Variants in DCLK1 observed in about 807,000 individuals in gnomAD.
DCLK1 encodes serine/threonine-protein kinase DCLK1.
Under a neutral mutation model 86.2 loss-of-function variants are expected in DCLK1, and 16 were observed. The ratio of observed to expected loss-of-function variants is 0.19; its 90% CI spans 0.13 to 0.28. The LOEUF is 0.28. Among genes scored for constraint, DCLK1 ranks in the 10% least tolerant of loss-of-function variants. The pLI is 1.00. For synonymous variants in DCLK1, 369 were observed against 370.5 expected, an observed-to-expected ratio of 1.00 and a Z score of 0.05; for missense variants, 590 against 940.2, an observed-to-expected ratio of 0.63 and a Z score of 4.87.
At chr13:35,809,758 C>T (rs908146051) in intron 12 of DCLK1, among the ~76,000 whole-genome samples, 1 of 152,166 alleles carries the variant, frequency 6.6e-6, no homozygotes, top group Non-Finnish European at 1.5e-5. Flanking sequence ...GATGTGGGCT[C>T]CCACCTCATT....
chr13:35,992,179 T>C (rs1034077057), intron 3 of DCLK1, among the ~76,000 whole-genome samples: 1 of 152,172 alleles, frequency 6.6e-6, no homozygotes, highest in Admixed American at 6.6e-5. Context: ...TCTGAAAATC[T>C]CAATTTTTAA....
At chr13:36,116,469 C>T (rs778058943) in intron 2 of DCLK1, among the ~76,000 whole-genome samples, 1 of 152,106 alleles carries the variant, frequency 6.6e-6, no homozygotes, top group Admixed American at 6.5e-5. Flanking sequence ...TGCAGTGTGT[C>T]AGCTATAAAA....
intron 3 of DCLK1, among the ~76,000 whole-genome samples, chr13:35,980,599 C>T (rs1191858878): frequency 6.6e-6 from 1 of 152,154 alleles, no homozygotes; most frequent in Admixed American, 6.5e-5. Context: ...TCATGGTCCC[C>T]AGCCTTTTTG....
chr13:35,802,574 T>G (rs953722978), intron 15 of DCLK1, among the ~76,000 whole-genome samples: 3 of 152,104 alleles, frequency 2.0e-5, no homozygotes, highest in African/African-American at 7.2e-5. Flanking sequence ...AAACAATTCC[T>G]AAAAGATCAA....
chr13:35,882,484 A>G (rs939274033), intron 4 of DCLK1, among the ~76,000 whole-genome samples: 32 of 152,166 alleles, frequency 2.1e-4, no homozygotes, highest in Non-Finnish European at 3.2e-4. Context: ...GAGCATTTTT[A>G]TCAGGAAATC....
chr13:35,828,182 G>A, intron 9 of DCLK1, 68 bp downstream of exon 9: 1 of 1,294,890 alleles, frequency 7.7e-7, no homozygotes, highest in Non-Finnish European at 1.1e-6. Context: ...ATTTGTTTGG[G>A]AGTGATCTTT....
intron 6 of DCLK1, among the ~76,000 whole-genome samples, chr13:35,839,780 T>A (rs1443793323): frequency 1.1e-5 from 1 of 88,022 alleles, no homozygotes; most frequent in Non-Finnish European, 2.2e-5. Context: ...AATAAAAGCC[T>A]AGGCCTTGTA....
At chr13:36,041,925 G>C (rs765004870) in intron 3 of DCLK1, among the ~76,000 whole-genome samples, 3 of 152,086 alleles carry the variant, frequency 2.0e-5, no homozygotes, top group Non-Finnish European at 4.4e-5. Flanking sequence ...TCTCAAAAAT[G>C]ACTCTATCTA....
At chr13:35,866,864 G>A (rs1871831001) in intron 5 of DCLK1, among the ~76,000 whole-genome samples, 1 of 152,198 alleles carries the variant, frequency 6.6e-6, no homozygotes, top group African/African-American at 2.4e-5. Context: ...AATCCATATA[G>A]AGACAATTCA....
At chr13:35,978,808 G>C (rs549670872) in intron 3 of DCLK1, among the ~76,000 whole-genome samples, 1 of 152,126 alleles carries the variant, frequency 6.6e-6, no homozygotes, top group East Asian at 1.9e-4. Flanking sequence ...TTCACACAAA[G>C]ATATTACAAA....
intron 2 of DCLK1, among the ~76,000 whole-genome samples, chr13:36,115,119 T>C (rs1465120965): frequency 6.6e-6 from 1 of 152,144 alleles, no homozygotes; most frequent in African/African-American, 2.4e-5. Flanking sequence ...TGAGCCATGA[T>C]TGTGCTACTG....
chr13:36,074,827 T>A (rs1406632479), intron 3 of DCLK1, among the ~76,000 whole-genome samples: 1 of 152,208 alleles, frequency 6.6e-6, no homozygotes, highest in African/African-American at 2.4e-5. Context: ...GACTCGCAGC[T>A]CCTTATGCTT....
At chr13:35,929,709 G>A (rs1283447579) in intron 4 of DCLK1, among the ~76,000 whole-genome samples, 3 of 152,084 alleles carry the variant, frequency 2.0e-5, no homozygotes, top group African/African-American at 7.2e-5. Context: ...CTTCAGCTGT[G>A]TCCTCTGATT....
intron 3 of DCLK1, among the ~76,000 whole-genome samples, chr13:36,039,434 G>A (rs1178234458): frequency 6.6e-6 from 1 of 152,130 alleles, no homozygotes; most frequent in Non-Finnish European, 1.5e-5. Context: ...GGTATAAAAA[G>A]CAAATTGGTG....
intron 3 of DCLK1, among the ~76,000 whole-genome samples, chr13:36,074,667 C>T (rs972696334): frequency 6.6e-6 from 1 of 152,142 alleles, no homozygotes; most frequent in Non-Finnish European, 1.5e-5. Context: ...CTCCTATAGA[C>T]ACCTATAGCT....
chr13:36,038,391 C>A (rs1419464813), intron 3 of DCLK1, among the ~76,000 whole-genome samples: 1 of 152,116 alleles, frequency 6.6e-6, no homozygotes, highest in Non-Finnish European at 1.5e-5. Flanking sequence ...CCTGGAGAAC[C>A]AAATACAGTA....
chr13:36,004,645 G>A (rs953937909), intron 3 of DCLK1, among the ~76,000 whole-genome samples: 1 of 152,146 alleles, frequency 6.6e-6, no homozygotes, highest in Non-Finnish European at 1.5e-5. Context: ...AGGCTGGAGT[G>A]CAGTGGTGCA....
chr13:35,934,167 C>T (rs1224142691), intron 4 of DCLK1, among the ~76,000 whole-genome samples: 1 of 152,202 alleles, frequency 6.6e-6, no homozygotes, highest in Non-Finnish European at 1.5e-5. Flanking sequence ...TCTGAGACCA[C>T]CTCAGCCTGG....
At chr13:35,955,239 T>C (rs145560255) in intron 3 of DCLK1, among the ~76,000 whole-genome samples, 21 of 152,222 alleles carry the variant, frequency 1.4e-4, no homozygotes, top group African/African-American at 4.8e-4. Flanking sequence ...TTTTTAAAAA[T>C]GTGTCTCTTA....
Sources: allele counts gnomAD v4.1 joint callset (sites outside exome capture counted in the v4.1 genomes callset), GRCh38; gene constraint gnomAD v4.1.1; transcripts MANE v1.5; gene names NCBI Gene and HGNC (gene_info 2026-07-23, HGNC 2026-07-21).